Variants in MANSC4 observed in about 807,000 individuals in gnomAD.
The protein encoded by MANSC4 is MANSC domain containing 4, also known as MANSC domain-containing protein 4.
In MANSC4, 11 loss-of-function variants were observed where a neutral mutation model predicts 11.4. The ratio of observed to expected loss-of-function variants is 0.97; its 90% confidence interval spans 0.61 to 1.60. MANSC4 has a LOEUF of 1.60. Ranked by LOEUF, MANSC4 falls within the 40% of genes most tolerant of loss-of-function variation. The probability of loss-of-function intolerance (pLI) is 0.00; values close to 1 mark genes in which losing one functional copy is unlikely to be tolerated. For synonymous variants in MANSC4, 123 were observed against 147.1 expected, an observed-to-expected ratio of 0.84 and a Z score of 1.19; for missense variants, 354 against 404.6, an observed-to-expected ratio of 0.88 and a Z score of 1.07.
At chr12:27,772,521 T>G (rs1591810543) in intron 1 of MANSC4, among the ~76,000 whole-genome samples, 1 of 152,340 alleles carries the variant, frequency 6.6e-6, no homozygotes, top group East Asian at 1.9e-4. Flanking sequence ...TAATTGATAA[T>G]GAAAAGGAAA....
rs2140794642 is a variant in MANSC4, at chr12:27,763,030, G to T, written c.731C>A (p.Ser244Tyr). Residue 244 changes from serine to tyrosine, a missense_variant, in exon 4 of 4, where the codon TCT becomes TAT. By Grantham distance (144) the Ser-to-Tyr change is moderately radical. Transcript: ENST00000381273. ...GAGTCCAGGTGGAACAGGCATATGA[G>T]AAAGTTTTGTGTCTATGGGTTCAAA... is the stretch of plus-strand genomic sequence containing the variant. The part of the protein sequence containing the change: ...PFFEPIDTKL[S>Y]HMPVPPGLNS... 6.4e-7 allele frequency: 1 copy of T among 1,551,716 alleles called. No individual in the cohort carries two copies. The highest frequency in any genetic ancestry group is 8.7e-7 in the Non-Finnish European group (1 of 1,147,010).
At chr12:27,764,439 TC>T (rs2062062736) in intron 3 of MANSC4, among the ~76,000 whole-genome samples, 2 of 152,154 alleles carry the variant, frequency 1.3e-5, no homozygotes, top group African/African-American at 4.8e-5. Context: ...TTCCATGACT[TC>T]CCGGACCCCG....
At chr12:27,773,513 G>GT (rs1230481010) in intron 1 of MANSC4, among the ~76,000 whole-genome samples, 1 of 152,198 alleles carries the variant, frequency 6.6e-6, no homozygotes, top group African/African-American at 2.4e-5. Flanking sequence ...CCACTACACT[G>GT]TTGCAATGTG....
Position 27,771,272 on chromosome 12 carries a change from T to C in MANSC4, c.5A>G (p.His2Arg). The change falls in exon 2 of 4, where the codon CAT becomes CGT. Residue 2 changes from histidine (H) to arginine (R), a missense_variant. Physicochemically the swap from His to Arg is conservative, Grantham distance 29. Transcript: ENST00000381273. Reference sequence around the variant, plus strand: ...CACGTTCACTGCTACCTCTGCCACATGCATTTTTCCTGTATGAAGGAAGAC... The same window carrying C: ...CACGTTCACTGCTACCTCTGCCACACGCATTTTTCCTGTATGAAGGAAGAC... M[H>R]VAEVAVNVIL... 6.5e-7 allele frequency: 1 copy of C among 1,550,006 alleles called. No individual in the cohort carries two copies. Among genetic ancestry groups the C allele is most frequent in the Non-Finnish European group, 8.7e-7 (1 of 1,146,862 alleles).
chr12:27,775,576 A>T (rs560848930), intron 1 of MANSC4, among the ~76,000 whole-genome samples: 6 of 152,108 alleles, frequency 3.9e-5, no homozygotes, highest in South Asian at 2.1e-4. Flanking sequence ...TTATTTTTAA[A>T]TTTTTTTGTA....
At chr12:27,768,402 C>CAAAAAAAAAAAAAA (rs201953091) in intron 2 of MANSC4, among the ~76,000 whole-genome samples, 3 of 109,686 alleles carry the variant, frequency 2.7e-5, no homozygotes, top group East Asian at 2.5e-4. Flanking sequence ...GACTCTGTCT[C>CAAAAAAAAAAAAAA]AAAAAAAAAA....
At chr12:27,774,154 A>C (rs1294124879) in intron 1 of MANSC4, among the ~76,000 whole-genome samples, 3 of 152,094 alleles carry the variant, frequency 2.0e-5, no homozygotes, top group African/African-American at 7.2e-5. Flanking sequence ...TCTCAAAAAA[A>C]CCAAAAAACA....
chr12:27,775,186 A>T (rs2062115119), intron 1 of MANSC4, among the ~76,000 whole-genome samples: 1 of 152,158 alleles, frequency 6.6e-6, no homozygotes, highest in African/African-American at 2.4e-5. Context: ...AAGATCAGAT[A>T]CAGATCTTGG....
At chr12:27,774,819 C>T (rs558889356) in intron 1 of MANSC4, among the ~76,000 whole-genome samples, 230 of 151,988 alleles carry the variant, frequency 1.5e-3, no homozygotes, top group Non-Finnish European at 2.9e-3. Flanking sequence ...GTCAGGAGAT[C>T]GAGACCATGC....
At chr12:27,773,924 G>T (rs1297372381) in intron 1 of MANSC4, among the ~76,000 whole-genome samples, 1 of 152,158 alleles carries the variant, frequency 6.6e-6, no homozygotes, top group Non-Finnish European at 1.5e-5. Flanking sequence ...GAGATGGGCG[G>T]ATCACTAGAG....
chr12:27,767,126 C>T (rs779701733), intron 2 of MANSC4, among the ~76,000 whole-genome samples: 12 of 151,960 alleles, frequency 7.9e-5, no homozygotes, highest in Non-Finnish European at 1.3e-4. Flanking sequence ...ACTAGAGGCA[C>T]GCATCACCAT....
At position 27,771,248 on chromosome 12, in the gene MANSC4, A is replaced by G; in HGVS notation, c.29T>C (p.Val10Ala). 1.3e-6 allele frequency: 2 copies of G among 1,551,020 alleles called. No homozygotes were observed. The highest frequency in any genetic ancestry group is 3.9e-4 in the Middle Eastern group (2 of 5,126). ...CCACCCCATGCTTAGGAGCAATATC[A>G]CGTTCACTGCTACCTCTGCCACATG... MHVAEVAVN[V>A]ILLLSMGWTS... The change falls in exon 2 of 4, where the codon GTG (valine) becomes GCG (alanine). Residue 10 changes from valine to alanine, a missense_variant. Val to Ala is a moderately conservative substitution (Grantham distance 64, BLOSUM62 0). Coordinates refer to ENST00000381273, the MANE Select transcript of MANSC4 (RefSeq NM_001146221.5).
chr12:27,777,467 G>A (rs1417208527), intron 1 of MANSC4, among the ~76,000 whole-genome samples: 1 of 152,178 alleles, frequency 6.6e-6, no homozygotes. Flanking sequence ...AATACTGGAT[G>A]TTACACTCTA....
chr12:27,773,126 T>C (rs2062106963), intron 1 of MANSC4, among the ~76,000 whole-genome samples: 1 of 152,132 alleles, frequency 6.6e-6, no homozygotes, highest in Admixed American at 6.5e-5. Flanking sequence ...GAGGACTGCT[T>C]GAGCCTAGGA....
At chr12:27,766,217 G>A (rs1042574675) in intron 3 of MANSC4, among the ~76,000 whole-genome samples, 15 of 152,028 alleles carry the variant, frequency 9.9e-5, no homozygotes, top group African/African-American at 2.9e-4. Flanking sequence ...ACAGGTGTGC[G>A]CCACCACGCA....
At chr12:27,765,519 G>A (rs2062068501) in intron 3 of MANSC4, among the ~76,000 whole-genome samples, 1 of 152,128 alleles carries the variant, frequency 6.6e-6, no homozygotes. Flanking sequence ...CTCTCCTGTG[G>A]CATAATATAG....
chr12:27,765,784 TAAAG>T (rs2062069896), intron 3 of MANSC4, among the ~76,000 whole-genome samples: 1 of 152,230 alleles, frequency 6.6e-6, no homozygotes, highest in Non-Finnish European at 1.5e-5. Context: ...TACAAACTGA[TAAAG>T]AAATTTATCT....
chr12:27,767,227 T>G (rs187989800), intron 2 of MANSC4, among the ~76,000 whole-genome samples: 43 of 151,814 alleles, frequency 2.8e-4, no homozygotes, highest in African/African-American at 8.9e-4. Context: ...GCAATCTGCC[T>G]CCCCCAAAGC....
At chr12:27,765,996 G>T (rs758375555) in intron 3 of MANSC4, among the ~76,000 whole-genome samples, 6 of 151,818 alleles carry the variant, frequency 4.0e-5, no homozygotes, top group African/African-American at 4.8e-5. Context: ...CAAATCCTGT[G>T]TGCAGTGTCC....
Sources: allele counts gnomAD v4.1 joint callset (sites outside exome capture counted in the v4.1 genomes callset), GRCh38; gene constraint gnomAD v4.1.1; transcripts MANE v1.5; gene names NCBI Gene and HGNC (gene_info 2026-07-23, HGNC 2026-07-21).